ATG10: variants seen among roughly 807,000 people sequenced by gnomAD.
ATG10 encodes autophagy related 10.
In ATG10, 30 loss-of-function variants were observed where a neutral mutation model predicts 32.1. The observed-to-expected ratio is 0.94, with a 90% CI of 0.70 to 1.27. The LOEUF is 1.27. Among genes scored for constraint, ATG10 ranks in the 50% most tolerant of loss-of-function variants. The pLI is 0.00. For missense variants in ATG10, 233 were observed against 262.3 expected (o/e 0.89, Z 0.77); for synonymous variants, 87 against 91.5 (o/e 0.95, Z 0.28).
At chr5:82,162,700 A>G (rs1365030958) in intron 3 of ATG10, among the ~76,000 whole-genome samples, 4 of 152,192 alleles carry the variant, frequency 2.6e-5, no homozygotes, top group Non-Finnish European at 5.9e-5. Context: ...TGGTGTGGTC[A>G]TGCAGTGAAA....
At position 81,984,103 on chromosome 5, in the gene ATG10, C is replaced by T. The variant is rs1387605712; in HGVS notation, c.-12-3456C>T. ...CTGGGAGGTGGAGGCTGCAGCGAGC[C>T]GAGATCACGCCACTGCACTCCAGCC... On this transcript the variant is annotated intron_variant, in intron 1 of 7. Coordinates refer to ENST00000282185, the MANE Select transcript of ATG10 (RefSeq NM_031482.5). 5.3e-5 allele frequency among the ~76,000 whole-genome samples: 8 copies of T among 152,354 alleles called. No individual in the cohort carries two copies. The South Asian group carries it at 6.2e-4, about 12-fold the overall frequency.
chr5:82,003,949 G>C (rs1367915058), intron 2 of ATG10, among the ~76,000 whole-genome samples: 4 of 152,160 alleles, frequency 2.6e-5, no homozygotes, highest in African/African-American at 9.7e-5. Context: ...AGACTAGCCT[G>C]ACCAATATGG....
intron 5 of ATG10, among the ~76,000 whole-genome samples, chr5:82,246,417 G>C (rs576991883): frequency 6.6e-6 from 1 of 151,702 alleles, no homozygotes; most frequent in Non-Finnish European, 1.5e-5. Flanking sequence ...GGCCAGGTAC[G>C]GGGGCTTATG....
chr5:82,171,201 T>C (rs1743794938), intron 4 of ATG10, among the ~76,000 whole-genome samples: 1 of 152,220 alleles, frequency 6.6e-6, no homozygotes, highest in African/African-American at 2.4e-5. Context: ...TCACTTGCGT[T>C]ATTCCATGTT....
intron 3 of ATG10, among the ~76,000 whole-genome samples, chr5:82,069,826 C>A (rs1764063428): frequency 6.6e-6 from 1 of 151,906 alleles, no homozygotes; most frequent in Admixed American, 6.6e-5. Context: ...TGCTTAAGGG[C>A]AAATAATAAT....
At chr5:82,187,812 T>C (rs758861643) in intron 5 of ATG10, among the ~76,000 whole-genome samples, 46 of 151,948 alleles carry the variant, frequency 3.0e-4, no homozygotes, top group Non-Finnish European at 4.9e-4. Context: ...GGTCTCGAAC[T>C]CCTGACTTCA....
chr5:82,046,328 T>G (rs1404094547), intron 2 of ATG10, among the ~76,000 whole-genome samples: 1 of 152,096 alleles, frequency 6.6e-6, no homozygotes, highest in Non-Finnish European at 1.5e-5. Flanking sequence ...GAGTCCTAAA[T>G]CCAATACGAC....
At chr5:82,063,071 T>G (rs1296415106) in intron 3 of ATG10, among the ~76,000 whole-genome samples, 3 of 152,074 alleles carry the variant, frequency 2.0e-5, no homozygotes, top group African/African-American at 7.2e-5. Flanking sequence ...GTAATCCCAG[T>G]GCTTCGTTAT....
At chr5:82,000,564 A>G (rs1284974418) in intron 2 of ATG10, among the ~76,000 whole-genome samples, 2 of 152,246 alleles carry the variant, frequency 1.3e-5, no homozygotes, top group Non-Finnish European at 2.9e-5. Context: ...ATACCAAGAA[A>G]ACCCTATGGT....
At chr5:82,211,583 C>A (rs1745492897) in intron 5 of ATG10, among the ~76,000 whole-genome samples, 1 of 152,190 alleles carries the variant, frequency 6.6e-6, no homozygotes, top group Admixed American at 6.5e-5. Context: ...AACTTTGGCT[C>A]TCTCAAGAGG....
intron 5 of ATG10, among the ~76,000 whole-genome samples, chr5:82,236,862 T>G (rs1746574358): frequency 6.6e-6 from 1 of 152,212 alleles, no homozygotes; most frequent in South Asian, 2.1e-4. Context: ...TTGCTGATCT[T>G]TCTGGGTACT....
intron 5 of ATG10, among the ~76,000 whole-genome samples, chr5:82,222,097 T>C (rs1270222722): frequency 1.3e-5 from 2 of 152,244 alleles, no homozygotes; most frequent in East Asian, 1.9e-4. Context: ...TCCCCAGTGT[T>C]ATAGAAAGAG....
chr5:82,162,678 C>A, intron 3 of ATG10, among the ~76,000 whole-genome samples: 1 of 151,778 alleles, frequency 6.6e-6, no homozygotes, highest in Non-Finnish European at 1.5e-5. Context: ...AAAAAAAACA[C>A]AACAGCAACT....
At chr5:82,047,422 C>T (rs577752647) in intron 2 of ATG10, among the ~76,000 whole-genome samples, 51 of 152,242 alleles carry the variant, frequency 3.3e-4, no homozygotes, top group Non-Finnish European at 5.3e-4. Context: ...ATAAGGAAAA[C>T]GGAACTAGTG....
At position 82,081,913 on chromosome 5, in the gene ATG10, G is replaced by C. The variant is rs1310613291; in HGVS notation, c.216+23311G>C. 2.8e-4 allele frequency among the ~76,000 whole-genome samples: 43 copies of C among 152,134 alleles called. 1 individual carries two copies. The highest frequency in any genetic ancestry group is 2.8e-3 in the Admixed American group (43 of 15,264). On this transcript the variant is annotated intron_variant, in intron 3 of 7. Transcript: ENST00000282185. Reference sequence around the variant, plus strand: ...GGATTCTGTCTTTTTCTGTTGATTGGAATAGTTTCAGAAGGAATGGTACCA... The same window carrying C: ...GGATTCTGTCTTTTTCTGTTGATTGCAATAGTTTCAGAAGGAATGGTACCA...
At chr5:82,035,818 G>T (rs981414270) in intron 2 of ATG10, among the ~76,000 whole-genome samples, 3 of 148,792 alleles carry the variant, frequency 2.0e-5, no homozygotes, top group Non-Finnish European at 4.5e-5. Context: ...TATTATTATA[G>T]TATTCTTCAT....
intron 2 of ATG10, among the ~76,000 whole-genome samples, chr5:82,036,453 G>A (rs1233739028): frequency 6.6e-6 from 1 of 152,076 alleles, no homozygotes; most frequent in Admixed American, 6.5e-5. Context: ...AATTAGCCGG[G>A]CATAGTGGCA....
chr5:81,973,881 T>C (rs1326429616), intron 1 of ATG10, among the ~76,000 whole-genome samples: 3 of 152,238 alleles, frequency 2.0e-5, no homozygotes, highest in African/African-American at 7.2e-5. Context: ...AAATAGTAGT[T>C]CTAAATTGCA....
rs150385377 is a variant in ATG10, at chr5:82,082,465, A to G, written c.216+23863A>G. Among the ~76,000 whole-genome samples the G allele has an allele frequency of 3.3e-5, 5 of 152,236 alleles. No homozygotes were observed. The East Asian group carries it at 5.8e-4, about 18-fold the overall frequency. The stretch of plus-strand genomic sequence containing the variant: ...GGCTCAGTTTCTTTTTCTTTCAATT[A>G]CTTGATTAACGTAATGTCTCATGGG... On this transcript the variant is annotated intron_variant, in intron 3 of 7. Coordinates refer to ENST00000282185, the MANE Select transcript of ATG10 (RefSeq NM_031482.5).
Sources: allele counts gnomAD v4.1 joint callset (sites outside exome capture counted in the v4.1 genomes callset), GRCh38; gene constraint gnomAD v4.1.1; transcripts MANE v1.5; gene names NCBI Gene and HGNC (gene_info 2026-07-23, HGNC 2026-07-21).